RGS9: variants seen among roughly 807,000 people sequenced by gnomAD.
RGS9 encodes regulator of G protein signaling 9, also known as regulator of G-protein signalling 9.
RGS9 carries 78 observed loss-of-function variants against 102.0 expected under a neutral mutation model. The ratio of observed to expected loss-of-function variants is 0.76; its 90% CI spans 0.64 to 0.92. The LOEUF (loss-of-function observed/expected upper bound fraction) is 0.92. Among genes scored for constraint, RGS9 ranks in the 40% least tolerant of loss-of-function variants. The probability of loss-of-function intolerance (pLI) is 0.00; values close to 1 mark genes in which losing one functional copy is unlikely to be tolerated. For missense variants in RGS9, 833 were observed against 866.1 expected (o/e 0.96, Z 0.48); for synonymous variants, 353 against 318.6 (o/e 1.11, Z -1.15).
At chr17:65,221,425 T>C (rs565694381) in intron 17 of RGS9, among the ~76,000 whole-genome samples, 2 of 152,316 alleles carry the variant, frequency 1.3e-5, no homozygotes, top group African/African-American at 4.8e-5. Flanking sequence ...TAATTCTGTA[T>C]CTCTCTTGAC....
intron 1 of RGS9, among the ~76,000 whole-genome samples, chr17:65,149,717 G>A (rs1294097714): frequency 6.6e-6 from 1 of 152,108 alleles, no homozygotes; most frequent in Non-Finnish European, 1.5e-5. Context: ...TCTCCTTATA[G>A]AGCATTTTAC....
chr17:65,176,246 G>T (rs1333651071), intron 8 of RGS9, among the ~76,000 whole-genome samples: 1 of 152,188 alleles, frequency 6.6e-6, no homozygotes, highest in Non-Finnish European at 1.5e-5. Flanking sequence ...CTGGCAAAGG[G>T]AACTAACAGA....
chr17:65,190,426 G>A (rs1364535803), intron 11 of RGS9, among the ~76,000 whole-genome samples, 190 bp downstream of exon 11: 1 of 152,170 alleles, frequency 6.6e-6, no homozygotes, highest in Admixed American at 6.5e-5. Flanking sequence ...CTCATCTTGG[G>A]TTATGCAAAA....
intron 16 of RGS9, 95 bp from the exon 17 acceptor site, chr17:65,210,393 G>T: frequency 7.0e-7 from 1 of 1,433,804 alleles, no homozygotes; most frequent in Non-Finnish European, 9.8e-7. Flanking sequence ...ATAGATTCTG[G>T]ACCTTCCAGC....
intron 6 of RGS9, among the ~76,000 whole-genome samples, chr17:65,161,866 A>C (rs572966660): frequency 6.6e-6 from 1 of 151,050 alleles, no homozygotes; most frequent in African/African-American, 2.4e-5. Context: ...ACACCACCAT[A>C]CCCAGCTAAT....
At chr17:65,221,613 A>T (rs953910756) in intron 17 of RGS9, among the ~76,000 whole-genome samples, 1 of 152,170 alleles carries the variant, frequency 6.6e-6, no homozygotes, top group African/African-American at 2.4e-5. Context: ...GTTTTCCAGG[A>T]GACATTTGGC....
At chr17:65,223,030 C>T (rs1176882748) in intron 17 of RGS9, among the ~76,000 whole-genome samples, 2 of 152,178 alleles carry the variant, frequency 1.3e-5, no homozygotes, top group Admixed American at 1.3e-4. Context: ...AATGGCTGGA[C>T]TTCTCTTAGT....
At chr17:65,222,934 C>T (rs1477167938) in intron 17 of RGS9, among the ~76,000 whole-genome samples, 1 of 152,116 alleles carries the variant, frequency 6.6e-6, no homozygotes, top group Non-Finnish European at 1.5e-5. Flanking sequence ...CGAGGCATCC[C>T]GCGAGCGATG....
intron 8 of RGS9, among the ~76,000 whole-genome samples, chr17:65,171,006 G>C (rs1911397067): frequency 6.6e-6 from 1 of 152,176 alleles, no homozygotes; most frequent in African/African-American, 2.4e-5. Flanking sequence ...CTGCCAGACT[G>C]TCTCCAGGAG....
At chr17:65,209,448 G>T (rs1395991555) in intron 16 of RGS9, among the ~76,000 whole-genome samples, 3 of 152,176 alleles carry the variant, frequency 2.0e-5, no homozygotes, top group Non-Finnish European at 4.4e-5. Context: ...GGAGTATGTT[G>T]CAGGTCTTTG....
Position 65,227,487 on chromosome 17 carries a change from C to T in RGS9, c.*80C>T. ...GCCATGGTATGGGCCACAGGACACA[C>T]TTGCTCGAGAACCAAAGTGCATTTG... On this transcript the variant is annotated 3_prime_UTR_variant, in exon 19 of 19. Coordinates refer to ENST00000262406, the MANE Select transcript of RGS9 (RefSeq NM_003835.4). 6.5e-7 allele frequency: 1 copy of T among 1,538,902 alleles called. No individual in the cohort carries two copies. The highest frequency in any genetic ancestry group is 8.8e-7 in the Non-Finnish European group (1 of 1,134,870).
chr17:65,159,985 C>T (rs571698859), intron 3 of RGS9, among the ~76,000 whole-genome samples: 2 of 152,204 alleles, frequency 1.3e-5, no homozygotes, highest in Non-Finnish European at 2.9e-5. Context: ...TCCAGATTTC[C>T]TAGTTCCCAT....
chr17:65,156,809 A>G (rs1275471535), intron 2 of RGS9, among the ~76,000 whole-genome samples: 1 of 152,184 alleles, frequency 6.6e-6, no homozygotes, highest in East Asian at 1.9e-4. Context: ...TGGTGTGGAA[A>G]GTCTAAACAC....
intron 13 of RGS9, among the ~76,000 whole-genome samples, chr17:65,198,558 T>C (rs1226319755): frequency 6.6e-5 from 10 of 152,220 alleles, no homozygotes; most frequent in African/African-American, 2.4e-4. Flanking sequence ...ACCAGGACTG[T>C]GGCTTTTTAA....
Position 65,224,866 on chromosome 17 carries a change from C to T in RGS9, c.1408-136C>T, listed in dbSNP as rs900294423. On this transcript the variant is annotated intron_variant, in intron 17 of 18. Transcript: ENST00000262406. Reference sequence around the variant, plus strand: ...AGGTAGCTTTGGACACCGTTCCCAGCTCCCTAGGAGGCAGCCATATCAGGC... The same window carrying T: ...AGGTAGCTTTGGACACCGTTCCCAGTTCCCTAGGAGGCAGCCATATCAGGC... The T allele has an allele frequency of 1.4e-5, 17 of 1,204,908 alleles. No homozygotes were observed. The African/African-American group carries it at 2.5e-4, about 18-fold the overall frequency. The allele number at this position is 1,204,908 out of a possible 1,614,324, so 74.6% of individuals were successfully genotyped here. A position where few individuals can be genotyped will look rare whatever the true frequency, so the allele number is the denominator to read the frequency against.
At chr17:65,207,103 C>G (rs1010424660) in intron 15 of RGS9, among the ~76,000 whole-genome samples, 2 of 152,168 alleles carry the variant, frequency 1.3e-5, no homozygotes, top group Admixed American at 1.3e-4. Flanking sequence ...GTAAACAGCC[C>G]CATAACTGGA....
At chr17:65,148,888 A>C (rs1910469799) in intron 1 of RGS9, among the ~76,000 whole-genome samples, 1 of 152,138 alleles carries the variant, frequency 6.6e-6, no homozygotes. Flanking sequence ...ACAGAATGAT[A>C]TGAAATGCTT....
rs1193233031 is a variant in RGS9, at chr17:65,188,431, G to A, written c.655-855G>A. Among the ~76,000 whole-genome samples the A allele has an allele frequency of 2.0e-5, 3 of 152,256 alleles. No homozygotes were observed. In the East Asian group the frequency reaches 5.8e-4, roughly 29 times the overall value. On this transcript the variant is annotated intron_variant, in intron 9 of 18. Coordinates refer to ENST00000262406, the MANE Select transcript of RGS9 (RefSeq NM_003835.4). ...AGCTTGCAGTGCATGCTGGCCTCAA[G>A]CCTTTCCATTATGTGCTTTATTTTT...
At chr17:65,143,756 T>C (rs1910247604) in intron 1 of RGS9, among the ~76,000 whole-genome samples, 1 of 144,952 alleles carries the variant, frequency 6.9e-6, no homozygotes, top group African/African-American at 2.6e-5. Flanking sequence ...ATTGTGCCAC[T>C]GCACTCCAGC....
Sources: allele counts gnomAD v4.1 joint callset (sites outside exome capture counted in the v4.1 genomes callset), GRCh38; gene constraint gnomAD v4.1.1; transcripts MANE v1.5; gene names NCBI Gene and HGNC (gene_info 2026-07-23, HGNC 2026-07-21).